The following ZNF333 variants were observed in gnomAD, a reference collection of about 807,000 sequenced individuals.
ZNF333 encodes zinc finger protein 333.
ZNF333 carries 61 observed loss-of-function variants against 76.1 expected under a neutral mutation model. The ratio of observed to expected loss-of-function variants is 0.80; its 90% CI spans 0.65 to 0.99. The LOEUF (loss-of-function observed/expected upper bound fraction) is 0.99. Ranked by LOEUF, ZNF333 falls within the 50% of genes least tolerant of loss-of-function variation. ZNF333 has a pLI of 0.00. For synonymous variants in ZNF333, 284 were observed against 305.0 expected, an observed-to-expected ratio of 0.93 and a Z score of 0.72; for missense variants, 717 against 822.4, an observed-to-expected ratio of 0.87 and a Z score of 1.57.
At position 14,721,089 on chromosome 19, in the gene ZNF333, A is replaced by AGCTTT; in HGVS notation, c.*1767_*1771dup. 1.8e-6 allele frequency: 1 copy of AGCTTT among 542,978 alleles called. No individual in the cohort carries two copies. Among genetic ancestry groups the AGCTTT allele is most frequent in the African/African-American group, 2.1e-5 (1 of 48,512 alleles). 33.6% of individuals were successfully genotyped at this position (542,978 alleles called of 1,614,324 possible). On this transcript the variant is annotated 3_prime_UTR_variant, in exon 12 of 12. Transcript: ENST00000292530. ...TTAATAGATAGTAGCCACTGCCTGA[A>AGCTTT]GCTTTGCATCTTTTAATTTAGTCCT... is the stretch of plus-strand genomic sequence containing the variant.
intron 5 of ZNF333, among the ~76,000 whole-genome samples, chr19:14,703,371 A>G (rs1311860790): frequency 1.3e-5 from 2 of 152,146 alleles, no homozygotes; most frequent in East Asian, 3.8e-4. Context: ...TTGGGTGGGG[A>G]CACAGCCAGA....
chr19:14,691,024 C>T (rs8108593), intron 1 of ZNF333, among the ~76,000 whole-genome samples: 66,699 of 151,860 alleles, frequency 0.44, 15,993 homozygotes, highest in East Asian at 0.71. Context: ...ACCCCAGAGG[C>T]GGAGGTTGCA....
At chr19:14,726,252 G>A (rs543136729), downstream of ZNF333, among the ~76,000 whole-genome samples, 25 of 152,304 alleles carry the variant, frequency 1.6e-4, 1 homozygote, top group Non-Finnish European at 2.2e-4. Context: ...ACAGGGCAGC[G>A]GGGCCCTGGA....
At chr19:14,696,206 G>C (rs554300466) in intron 4 of ZNF333, among the ~76,000 whole-genome samples, 82 of 152,088 alleles carry the variant, frequency 5.4e-4, no homozygotes, top group Non-Finnish European at 1.1e-3. Context: ...AGAGCTATAA[G>C]TCACACACCA....
intron 6 of ZNF333, 27 bp from the exon 7 acceptor site, chr19:14,706,659 A>G (rs560309305): frequency 6.2e-7 from 1 of 1,607,798 alleles, no homozygotes; most frequent in African/African-American, 1.3e-5. Flanking sequence ...CTTGACTCTA[A>G]TCTGTGACCC....
At chr19:14,700,270 C>T (rs951615903) in intron 5 of ZNF333, 3 of 152,270 alleles carry the variant, frequency 2.0e-5, no homozygotes, top group African/African-American at 7.2e-5. Context: ...TTCCTCCCAC[C>T]TCAGCCACCC....
At chr19:14,692,103 C>G (rs965388355) in intron 1 of ZNF333, among the ~76,000 whole-genome samples, 1 of 148,956 alleles carries the variant, frequency 6.7e-6, no homozygotes, top group African/African-American at 2.5e-5. Context: ...GGACCCTGTA[C>G]ATGGGGAAAC....
At chr19:14,723,212 G>C (rs779279666), downstream of ZNF333, among the ~76,000 whole-genome samples, 1 of 152,152 alleles carries the variant, frequency 6.6e-6, no homozygotes, top group Non-Finnish European at 1.5e-5. Context: ...TGGCACCCTT[G>C]TCAAAATTCA....
Position 14,719,735 on chromosome 19 carries a change from A to G in ZNF333, c.*410A>G, listed in dbSNP as rs190454477. On this transcript the variant is annotated 3_prime_UTR_variant, in exon 12 of 12. Transcript: ENST00000292530. Reference sequence around the variant, plus strand: ...AATTTAATTACATGGTGAGAAGAGTATGTGGCCTCTTTGTTACTGAGTCAT... The same window carrying G: ...AATTTAATTACATGGTGAGAAGAGTGTGTGGCCTCTTTGTTACTGAGTCAT... 1.9e-4 allele frequency: 192 copies of G among 1,000,268 alleles called. No individual in the cohort carries two copies. The African/African-American group carries it at 3.0e-3, about 16-fold the overall frequency. The allele number at this position is 1,000,268 out of a possible 1,614,324, so 62.0% of individuals were successfully genotyped here. A position where few individuals can be genotyped will look rare whatever the true frequency, so the allele number is the denominator to read the frequency against.
At chr19:14,729,839 A>G (rs12979589) in intron 11 of ZNF333, among the ~76,000 whole-genome samples, 21,366 of 152,202 alleles carry the variant, frequency 0.14, 1,737 homozygotes, top group Middle Eastern at 0.22. Flanking sequence ...GTTATTCCCC[A>G]ATGTATACAT....
At position 14,721,114 on chromosome 19, in the gene ZNF333, T is replaced by G; in HGVS notation, c.*1789T>G. ...AGCTTTGCATCTTTTAATTTAGTCCTCACACTGACACTTTGAGGTATGTAC... is the reference window on the plus strand; with the variant it reads ...AGCTTTGCATCTTTTAATTTAGTCCGCACACTGACACTTTGAGGTATGTAC... On this transcript the variant is annotated 3_prime_UTR_variant, in exon 12 of 12. Transcript: ENST00000292530. 2 of 365,988 alleles carry G rather than the reference T, an allele frequency of 5.5e-6. No homozygotes were observed. The highest frequency in any genetic ancestry group is 7.6e-6 in the Non-Finnish European group (2 of 264,122). 22.7% of individuals were successfully genotyped at this position (365,988 alleles called of 1,614,324 possible).
At chr19:14,696,894 A>C (rs763677633) in intron 4 of ZNF333, among the ~76,000 whole-genome samples, 3 of 151,874 alleles carry the variant, frequency 2.0e-5, no homozygotes, top group Non-Finnish European at 2.9e-5. Flanking sequence ...GCACACCACC[A>C]CACCCGGCTA....
intron 1 of ZNF333, among the ~76,000 whole-genome samples, chr19:14,690,509 C>T (rs564009674): frequency 6.6e-6 from 1 of 152,308 alleles, no homozygotes; most frequent in African/African-American, 2.4e-5. Flanking sequence ...CTACAGTATG[C>T]AAGATAACTG....
rs912059228 is a variant in ZNF333, at chr19:14,721,398, G to A, written c.*2073G>A. The A allele has an allele frequency of 2.7e-5, 4 of 146,196 alleles. No individual in the cohort carries two copies. The highest frequency in any genetic ancestry group is 2.1e-4 in the South Asian group (1 of 4,690). 9.1% of individuals were successfully genotyped at this position (146,196 alleles called of 1,614,324 possible). A position where few individuals can be genotyped will look rare whatever the true frequency, so the allele number is the denominator to read the frequency against. On this transcript the variant is annotated 3_prime_UTR_variant, in exon 12 of 12. Transcript: ENST00000292530. The stretch of plus-strand genomic sequence containing the variant: ...TTTTGTATATGTCTATACCCACCAC[G>A]GTCTCCATCAAAATATTTTATCGTC...
exon 12 of ZNF333, chr19:14,731,350 C>T: frequency 1.5e-6 from 1 of 671,766 alleles, no homozygotes; most frequent in Non-Finnish European, 2.5e-6. Context: ...AGTTCCGTGA[C>T]ATCCGGGCTC....
At chr19:14,695,782 T>G (rs1599688267) in intron 4 of ZNF333, 121 bp downstream of exon 4, 1 of 784,994 alleles carries the variant, frequency 1.3e-6, no homozygotes, top group East Asian at 2.7e-5. Flanking sequence ...CCATTCGGAG[T>G]GAGGTTTCTC....
intron 11 of ZNF333, among the ~76,000 whole-genome samples, chr19:14,729,644 G>A (rs907128635): frequency 1.9e-4 from 29 of 152,208 alleles, no homozygotes; most frequent in African/African-American, 5.1e-4. Context: ...GAACCACTGC[G>A]CCCGGTGGGA....
At chr19:14,694,824 A>C (rs970219612) in intron 2 of ZNF333, among the ~76,000 whole-genome samples, 186 bp from the exon 3 acceptor site, 2 of 152,254 alleles carry the variant, frequency 1.3e-5, no homozygotes, top group African/African-American at 4.8e-5. Flanking sequence ...CAAAACAGCC[A>C]TTGATGCATT....
At chr19:14,713,785 C>T (rs2042344969) in intron 7 of ZNF333, among the ~76,000 whole-genome samples, 1 of 151,654 alleles carries the variant, frequency 6.6e-6, no homozygotes, top group African/African-American at 2.4e-5. Context: ...TAGTGAGACC[C>T]CCATCTCTAA....
Sources: gnomAD v4.1 joint callset for allele counts (sites outside exome capture counted in the v4.1 genomes callset) on GRCh38, gnomAD v4.1.1 for gene constraint, MANE v1.5 for transcripts, NCBI Gene and HGNC (gene_info 2026-07-23, HGNC 2026-07-21) for gene names.